Variants in PABPC1 observed in about 807,000 individuals in gnomAD.
PABPC1 encodes the protein polyadenylate-binding protein 1.
A neutral mutation model predicts 74.0 loss-of-function variants in PABPC1; 4 were observed. That is an observed-to-expected ratio of 0.05 (90% CI 0.03 to 0.12). The LOEUF (loss-of-function observed/expected upper bound fraction) is 0.12, where lower values mean the gene tolerates loss of function less well. Ranked by LOEUF, PABPC1 falls within the 10% of genes least tolerant of loss-of-function variation. The pLI is 1.00. For missense variants in PABPC1, 271 were observed against 821.1 expected (o/e 0.33, Z 8.19); for synonymous variants, 227 against 264.1 (o/e 0.86, Z 1.36).
At chr8:100,716,140 A>C (rs936963183) in intron 3 of PABPC1, among the ~76,000 whole-genome samples, 1 of 152,240 alleles carries the variant, frequency 6.6e-6, no homozygotes, top group Non-Finnish European at 1.5e-5. Context: ...GCAGTGGCTC[A>C]CACCTGTAAT....
At chr8:100,709,295 T>C in intron 8 of PABPC1, 72 bp from the exon 9 acceptor site, 1 of 1,496,728 alleles carries the variant, frequency 6.7e-7, no homozygotes, top group African/African-American at 1.4e-5. Context: ...TTATATGTAC[T>C]TTTTCAAAAC....
chr8:100,706,777 T>C lies in PABPC1; in HGVS notation c.1476A>G (p.Pro492=). The change falls in exon 11 of 15, where the codon CCA becomes CCG. Residue 492 remains proline (P), a synonymous_variant. Coordinates refer to ENST00000318607, the MANE Select transcript of PABPC1 (RefSeq NM_002568.4). ...CTGCAGCGGCTGCAGCTGCAGGACG[T>C]GGACCCATTGTCTGTGTTGATGTGT... ...VANTSTQTMG[P]RPAAAAAAAT... The C allele has an allele frequency of 1.2e-6, 2 of 1,614,204 alleles. No homozygotes were observed. The highest frequency in any genetic ancestry group is 1.7e-6 in the Non-Finnish European group (2 of 1,180,008).
At chr8:100,717,651 TTTTA>T (rs373600697) in intron 3 of PABPC1, 118 bp downstream of exon 3, 1 of 630,304 alleles carries the variant, frequency 1.6e-6, no homozygotes, top group South Asian at 2.2e-5. Context: ...TTTAAAATGT[TTTTA>T]TTCTTTTATC....
chr8:100,706,301 T>TGCA (rs1315052964), intron 11 of PABPC1, among the ~76,000 whole-genome samples: 6 of 152,362 alleles, frequency 3.9e-5, no homozygotes, highest in Admixed American at 2.6e-4. Context: ...GAATCTATCA[T>TGCA]GCAGCTGTCT....
rs781017252 is a variant in PABPC1 at position 100,712,912 on chromosome 8, T to A, written c.739-123A>T. 4.0e-4 allele frequency: 504 copies of A among 1,274,022 alleles called. 2 individuals are homozygous for A. Among genetic ancestry groups the A allele is most frequent in the Middle Eastern group, 5.3e-4 (2 of 3,806 alleles). 78.9% of individuals were successfully genotyped at this position (1,274,022 alleles called of 1,614,324 possible). On this transcript the variant is annotated intron_variant, in intron 5 of 14. Transcript: ENST00000318607. Reference sequence around the variant, plus strand: ...CTAAAGACAAACCCATCCCAAAATCTCAAGGTTTTGGGACAATATAGGTTA... The same window carrying A: ...CTAAAGACAAACCCATCCCAAAATCACAAGGTTTTGGGACAATATAGGTTA...
At position 100,709,215 on chromosome 8, in the gene PABPC1, G is replaced by A. The variant is rs1810464655; in HGVS notation, c.1254C>T (p.Asn418=). 6.2e-7 allele frequency: 1 copy of A among 1,613,790 alleles called. No individual in the cohort carries two copies. Among genetic ancestry groups the A allele is most frequent in the Non-Finnish European group, 8.5e-7 (1 of 1,179,690 alleles). The change falls in exon 9 of 15, where the codon AAC becomes AAT. Residue 418 remains asparagine (N), a synonymous_variant. Transcript: ENST00000318607. Reference sequence around the variant, plus strand: ...GGCTAGGAGGATAGTATGCAGCACGGTTCTGAGTCTGCAGGGAAAAAAAGC... The same window carrying A: ...GGCTAGGAGGATAGTATGCAGCACGATTCTGAGTCTGCAGGGAAAAAAAGC... ...YFMAAIPQTQ[N]RAAYYPPSQI... is the part of the protein sequence containing the mutation.
Position 100,721,717 on chromosome 8 carries a change from A to C in PABPC1, c.-134T>G. On this transcript the variant is annotated 5_prime_UTR_variant, in exon 1 of 15. Coordinates refer to ENST00000318607, the MANE Select transcript of PABPC1 (RefSeq NM_002568.4). The surrounding 1 kb of genome is among the most constrained non-coding windows in gnomAD (Gnocchi z 7.4). ...CGCAGAGGGACAAAAATCAACCGGA[A>C]TTGAAAACTACTCAACGGCCGCAGA... is the stretch of plus-strand genomic sequence containing the variant. 7.0e-6 allele frequency: 5 copies of C among 719,014 alleles called. No homozygotes were observed. The highest frequency in any genetic ancestry group is 3.2e-5 in the East Asian group (1 of 30,946). 44.5% of individuals were successfully genotyped at this position (719,014 alleles called of 1,614,324 possible). A position where few individuals can be genotyped will look rare whatever the true frequency, so the allele number is the denominator to read the frequency against.
chr8:100,712,818 A>T, intron 5 of PABPC1, 29 bp from the exon 6 acceptor site: 1 of 1,556,374 alleles, frequency 6.4e-7, no homozygotes, highest in Non-Finnish European at 8.6e-7. Context: ...GAAAAAAAAA[A>T]AATCACAAAA....
chr8:100,719,189 C>T (rs1289155696), intron 1 of PABPC1, among the ~76,000 whole-genome samples: 2 of 152,066 alleles, frequency 1.3e-5, no homozygotes, highest in Non-Finnish European at 2.9e-5. Flanking sequence ...AGACTAGTCC[C>T]CGAAGAGAGG....
intron 7 of PABPC1, 74 bp from the exon 8 acceptor site, chr8:100,709,805 C>T (rs1810480954): frequency 7.2e-7 from 1 of 1,387,892 alleles, no homozygotes. Flanking sequence ...ACAATTTAGA[C>T]AATTATAAAT....
In PABPC1 at chr8:100,709,238, AG is replaced by A; in HGVS notation, c.1246-16del. ...CGGTTCTGAGTCTGCAGGGAAAAAAAGCACATGAGTTTATCAGTTGAAGAAA... is the reference window on the plus strand; with the variant it reads ...CGGTTCTGAGTCTGCAGGGAAAAAAACACATGAGTTTATCAGTTGAAGAAA... On this transcript the variant is annotated splice_polypyrimidine_tract_variant and intron_variant, in intron 8 of 14. Coordinates refer to ENST00000318607, the MANE Select transcript of PABPC1 (RefSeq NM_002568.4). The A allele has an allele frequency of 6.3e-7, 1 of 1,597,172 alleles. No homozygotes were observed. Among genetic ancestry groups the A allele is most frequent in the Non-Finnish European group, 8.6e-7 (1 of 1,168,274 alleles).
chr8:100,720,385 T>C (rs929204285), intron 1 of PABPC1, among the ~76,000 whole-genome samples: 1 of 152,212 alleles, frequency 6.6e-6, no homozygotes, highest in Non-Finnish European at 1.5e-5. Flanking sequence ...TACTCAGTCA[T>C]TTCCCAAGAT....
At chr8:100,711,009 C>G (rs967065271) in intron 7 of PABPC1, among the ~76,000 whole-genome samples, 1 of 144,982 alleles carries the variant, frequency 6.9e-6, no homozygotes, top group African/African-American at 2.6e-5. Context: ...GACAGACAAC[C>G]AGCCAGGCAC....
At chr8:100,706,284 C>T (rs901534666) in intron 11 of PABPC1, among the ~76,000 whole-genome samples, 2 of 152,222 alleles carry the variant, frequency 1.3e-5, no homozygotes, top group South Asian at 4.1e-4. Flanking sequence ...ATAGGCTAAG[C>T]TCTCAAGAAT....
At chr8:100,710,558 G>A (rs950881065) in intron 7 of PABPC1, among the ~76,000 whole-genome samples, 3 of 152,132 alleles carry the variant, frequency 2.0e-5, no homozygotes, top group African/African-American at 7.2e-5. Flanking sequence ...ACATTACATT[G>A]AAAAATCTTA....
intron 7 of PABPC1, among the ~76,000 whole-genome samples, chr8:100,710,372 G>A (rs1001433069): frequency 2.1e-4 from 32 of 152,290 alleles, no homozygotes; most frequent in African/African-American, 7.2e-4. Context: ...TACATTAACA[G>A]TATGCGAGTG....
At chr8:100,704,421 C>G (rs763578855) in intron 13 of PABPC1, 31 bp from the exon 14 acceptor site, 20 of 1,543,090 alleles carry the variant, frequency 1.3e-5, no homozygotes, top group Non-Finnish European at 1.8e-5. Context: ...TAAACTGGTT[C>G]AGGAAAGGAA....
chr8:100,710,473 C>T (rs529577208), intron 7 of PABPC1, among the ~76,000 whole-genome samples: 1 of 152,220 alleles, frequency 6.6e-6, no homozygotes, highest in South Asian at 2.1e-4. Context: ...TTTTAAAGTA[C>T]TGGGGAAAAA....
At position 100,721,878 on chromosome 8, in the gene PABPC1, C is replaced by A; in HGVS notation, c.-295G>T. ...GCTGCGGGGCCGCGGGCGGGCGGGT[C>A]GGTCTCGGCTGCTTCACCGGGTTAT... On this transcript the variant is annotated 5_prime_UTR_variant, in exon 1 of 15. Transcript: ENST00000318607. This position sits in a 1 kb window ranked among gnomAD's most constrained non-coding sequence, Gnocchi z 7.4. 3.0e-6 allele frequency: 1 copy of A among 330,540 alleles called. No individual in the cohort carries two copies. Among genetic ancestry groups the A allele is most frequent in the East Asian group, 4.7e-5 (1 of 21,432 alleles). 20.5% of individuals were successfully genotyped at this position (330,540 alleles called of 1,614,324 possible). A position where few individuals can be genotyped will look rare whatever the true frequency, so the allele number is the denominator to read the frequency against.
Sources: allele counts gnomAD v4.1 joint callset (sites outside exome capture counted in the v4.1 genomes callset), GRCh38; gene constraint gnomAD v4.1.1; non-coding constraint Gnocchi (gnomAD v3.1); transcripts MANE v1.5; gene names NCBI Gene and HGNC (gene_info 2026-07-23, HGNC 2026-07-21).